ARHGAP26: variants seen among roughly 807,000 people sequenced by gnomAD.
The protein encoded by ARHGAP26 is rho GTPase-activating protein 26.
Under a neutral mutation model 104.8 loss-of-function variants are expected in ARHGAP26, and 38 were observed. The ratio of observed to expected loss-of-function variants is 0.36; its 90% confidence interval spans 0.28 to 0.48. ARHGAP26 has a LOEUF of 0.48. ARHGAP26 is among the 20% of genes least tolerant of loss of function. The pLI is 0.99. For missense variants in ARHGAP26, 704 were observed against 947.9 expected, an observed-to-expected ratio of 0.74 and a Z score of 3.38; for synonymous variants, 341 against 340.0, an observed-to-expected ratio of 1.00 and a Z score of -0.03.
intron 17 of ARHGAP26, among the ~76,000 whole-genome samples, chr5:143,111,523 TTATCCCTGGC>T (rs1435126714): frequency 6.6e-6 from 1 of 152,224 alleles, no homozygotes; most frequent in Non-Finnish European, 1.5e-5. Flanking sequence ...GAGGGAGTGG[TTATCCCTGGC>T]TCACAGTAAG....
chr5:142,782,699 T>C (rs1307642664), intron 1 of ARHGAP26, among the ~76,000 whole-genome samples: 1 of 152,142 alleles, frequency 6.6e-6, no homozygotes. Context: ...ATTTGACCTT[T>C]GGAGATGAAA....
intron 1 of ARHGAP26, among the ~76,000 whole-genome samples, chr5:142,788,266 G>T: frequency 6.6e-6 from 1 of 152,096 alleles, no homozygotes; most frequent in Non-Finnish European, 1.5e-5. Flanking sequence ...CTCCCAAAGT[G>T]CTGGGATTAC....
In ARHGAP26 at chr5:143,014,439, T is replaced by A. The variant is rs986416302; in HGVS notation, c.1144+323T>A. On this transcript the variant is annotated intron_variant, in intron 12 of 22. Coordinates refer to ENST00000645722, the MANE Select transcript of ARHGAP26 (RefSeq NM_001135608.3). ...AGCTCGTCACCACTTAAAAGTTACT[T>A]AATACAACAATACTCAACTCCTGGA... 6 of 333,976 alleles carry A rather than the reference T, an allele frequency of 1.8e-5. No homozygotes were observed. In the Admixed American group the frequency reaches 2.7e-4, roughly 15 times the overall value. The allele number at this position is 333,976 out of a possible 1,614,324, so 20.7% of individuals were successfully genotyped here.
intron 1 of ARHGAP26, among the ~76,000 whole-genome samples, chr5:142,783,009 A>C (rs1476541075): frequency 1.3e-5 from 2 of 149,778 alleles, no homozygotes; most frequent in African/African-American, 2.5e-5. Context: ...CCCCGCCCCC[A>C]CTCCCTTCCA....
Position 143,042,235 on chromosome 5 carries a change from A to G in ARHGAP26, c.1285+345A>G, listed in dbSNP as rs567806974. ...ATGACTCCCTCCGTTCTCTTTTGGG[A>G]CAGGTATTTAGTGGGACACACCCAA... On this transcript the variant is annotated intron_variant, in intron 14 of 22. Coordinates refer to ENST00000645722, the MANE Select transcript of ARHGAP26 (RefSeq NM_001135608.3). Among the ~76,000 whole-genome samples, 14 of 152,250 alleles carry G rather than the reference A, an allele frequency of 9.2e-5. No homozygotes were observed. The South Asian group carries it at 2.9e-3, about 32-fold the overall frequency.
intron 4 of ARHGAP26, among the ~76,000 whole-genome samples, chr5:142,881,044 C>T (rs552952903): frequency 4.5e-4 from 68 of 152,360 alleles, no homozygotes; most frequent in African/African-American, 1.6e-3. Flanking sequence ...TTCATACAGA[C>T]TGTGAACCAG....
At chr5:142,958,894 C>G (rs564548631) in intron 11 of ARHGAP26, among the ~76,000 whole-genome samples, 2 of 133,690 alleles carry the variant, frequency 1.5e-5, no homozygotes, top group African/African-American at 5.9e-5. Flanking sequence ...CACAGTGAGA[C>G]GCTGTCTCTT....
chr5:142,820,326 G>A (rs1211945156), intron 1 of ARHGAP26, among the ~76,000 whole-genome samples: 1 of 152,084 alleles, frequency 6.6e-6, no homozygotes, highest in South Asian at 2.1e-4. Context: ...TGGACGAAAG[G>A]TTTCTGGATA....
intron 18 of ARHGAP26, among the ~76,000 whole-genome samples, chr5:143,131,590 T>C (rs1445994347): frequency 6.6e-6 from 1 of 152,206 alleles, no homozygotes; most frequent in Non-Finnish European, 1.5e-5. Flanking sequence ...CATCCTTGTA[T>C]GTTTGGGACA....
intron 20 of ARHGAP26, among the ~76,000 whole-genome samples, chr5:143,188,629 A>G (rs1805479881): frequency 6.6e-6 from 1 of 152,198 alleles, no homozygotes; most frequent in Non-Finnish European, 1.5e-5. Flanking sequence ...TTTGGGGATG[A>G]CATTGTGGAA....
rs1597712543 is a variant in ARHGAP26 at position 142,808,252 on chromosome 5, A to G, written c.154+37337A>G. ...ATTGTCTCGGAAAAAAAAAAAAAAA[A>G]AAAAAAAAAAAAAAAAAAAAAAAAT... On this transcript the variant is annotated intron_variant, in intron 1 of 22. Coordinates refer to ENST00000645722, the MANE Select transcript of ARHGAP26 (RefSeq NM_001135608.3). 2.9e-5 allele frequency among the ~76,000 whole-genome samples: 4 copies of G among 138,984 alleles called. No homozygotes were observed. In the South Asian group the frequency reaches 6.6e-4, roughly 23 times the overall value. 91.2% of individuals were successfully genotyped at this position (138,984 alleles called of 152,430 possible).
chr5:142,990,396 C>T (rs182718044), intron 11 of ARHGAP26, among the ~76,000 whole-genome samples: 2 of 152,236 alleles, frequency 1.3e-5, no homozygotes, highest in Admixed American at 6.5e-5. Context: ...GTGATGGGTT[C>T]GAGCATCCTC....
At chr5:143,199,674 G>A (rs937250398) in intron 20 of ARHGAP26, among the ~76,000 whole-genome samples, 4 of 152,174 alleles carry the variant, frequency 2.6e-5, no homozygotes, top group African/African-American at 7.2e-5. Flanking sequence ...GCCCTGGGCC[G>A]GTGATCCGAG....
At chr5:143,143,186 C>T (rs557252034) in intron 19 of ARHGAP26, among the ~76,000 whole-genome samples, 2 of 152,274 alleles carry the variant, frequency 1.3e-5, no homozygotes, top group South Asian at 4.2e-4. Context: ...GCAAATGTTT[C>T]GTATTTACCC....
chr5:142,901,905 G>A, intron 6 of ARHGAP26, 30 bp from the exon 7 acceptor site: 1 of 1,591,190 alleles, frequency 6.3e-7, no homozygotes, highest in Non-Finnish European at 8.6e-7. Flanking sequence ...ACCTGGTTAT[G>A]TGACCTTTGC....
chr5:142,842,787 A>G (rs1373816200), intron 1 of ARHGAP26, among the ~76,000 whole-genome samples: 1 of 152,222 alleles, frequency 6.6e-6, no homozygotes, highest in Non-Finnish European at 1.5e-5. Flanking sequence ...AGGAGGTAAT[A>G]TATGCAATAG....
chr5:143,002,031 C>T (rs1161520940), intron 11 of ARHGAP26, among the ~76,000 whole-genome samples: 1 of 152,202 alleles, frequency 6.6e-6, no homozygotes, highest in Non-Finnish European at 1.5e-5. Context: ...CCTTCTGCCT[C>T]TCCAAGGGGC....
intron 18 of ARHGAP26, among the ~76,000 whole-genome samples, chr5:143,127,245 A>G (rs1796825670): frequency 6.6e-6 from 1 of 152,156 alleles, no homozygotes; most frequent in Non-Finnish European, 1.5e-5. Flanking sequence ...AACACATAAT[A>G]GTAGGATTGC....
intron 2 of ARHGAP26, among the ~76,000 whole-genome samples, chr5:142,874,056 C>T (rs1755718736): frequency 6.6e-6 from 1 of 152,218 alleles, no homozygotes; most frequent in Non-Finnish European, 1.5e-5. Context: ...GCGTCTGCCA[C>T]TGCCTTCAGA....
Sources: gnomAD v4.1 joint callset for allele counts (sites outside exome capture counted in the v4.1 genomes callset) on GRCh38, gnomAD v4.1.1 for gene constraint, MANE v1.5 for transcripts, NCBI Gene and HGNC (gene_info 2026-07-23, HGNC 2026-07-21) for gene names.